The following SV2B variants were observed in gnomAD, a reference collection of about 807,000 sequenced individuals.
SV2B encodes the protein solute carrier family 22 member B2.
A neutral mutation model predicts 73.9 loss-of-function variants in SV2B; 41 were observed. The ratio of observed to expected loss-of-function variants is 0.56; its 90% confidence interval spans 0.43 to 0.72. SV2B has a LOEUF of 0.72. SV2B is among the 30% of genes least tolerant of loss of function. SV2B has a pLI of 0.00. For missense variants in SV2B, 764 were observed against 857.8 expected, an observed-to-expected ratio of 0.89 and a Z score of 1.37; for synonymous variants, 314 against 314.2, an observed-to-expected ratio of 1.00 and a Z score of 0.01.
rs191404392 is a variant in SV2B, at chr15:91,132,279, C to T, written c.-392+31916C>T. Reference sequence around the variant, plus strand: ...TCACCTCATGTAAATGAAGTAGTAGCCCACAATCAGTCTGATTGGTTGCAG... The same window carrying T: ...TCACCTCATGTAAATGAAGTAGTAGTCCACAATCAGTCTGATTGGTTGCAG... On this transcript the variant is annotated intron_variant, in intron 1 of 12. Transcript: ENST00000394232. This position sits in a 1 kb window ranked among gnomAD's most constrained non-coding sequence, Gnocchi z 4.6. Among the ~76,000 whole-genome samples the T allele has an allele frequency of 6.2e-4, 95 of 152,288 alleles. No individual in the cohort carries two copies. The highest frequency in any genetic ancestry group is 6.8e-3 in the Middle Eastern group (2 of 294).
intron 1 of SV2B, among the ~76,000 whole-genome samples, chr15:91,163,591 G>A (rs1454558965): frequency 2.6e-5 from 4 of 152,208 alleles, no homozygotes; most frequent in Admixed American, 1.3e-4. Context: ...CATATCCTTC[G>A]CCCACTTTTT....
rs1567312268 is a variant in SV2B, at chr15:91,172,062, C to T, written c.-391-53811C>T. On this transcript the variant is annotated intron_variant, in intron 1 of 12. Coordinates refer to ENST00000394232, the MANE Select transcript of SV2B (RefSeq NM_001323032.3). Reference sequence around the variant, plus strand: ...AGTGTATGTGTACATTTTGTCAAAACACATCAACTCTACACTAAAAATTGG... The same window carrying T: ...AGTGTATGTGTACATTTTGTCAAAATACATCAACTCTACACTAAAAATTGG... 2.0e-5 allele frequency among the ~76,000 whole-genome samples: 3 copies of T among 152,272 alleles called. No homozygotes were observed. In the East Asian group the frequency reaches 5.8e-4, roughly 29 times the overall value.
chr15:91,207,616 A>C (rs1018433507), intron 1 of SV2B, among the ~76,000 whole-genome samples: 8 of 152,218 alleles, frequency 5.3e-5, no homozygotes, highest in African/African-American at 1.9e-4. Flanking sequence ...CACAAGGTTC[A>C]TGGCTGACAC....
intron 1 of SV2B, among the ~76,000 whole-genome samples, chr15:91,191,539 C>A (rs966484976): frequency 1.3e-5 from 2 of 152,320 alleles, no homozygotes; most frequent in East Asian, 3.9e-4. Context: ...TTTCTACCCA[C>A]TGACCCCCTT....
rs1266524838 is a variant in SV2B, at chr15:91,128,428, T to G, written c.-392+28065T>G. Among the ~76,000 whole-genome samples the G allele has an allele frequency of 1.3e-5, 2 of 152,220 alleles. No individual in the cohort carries two copies. Among genetic ancestry groups the G allele is most frequent in the Non-Finnish European group, 2.9e-5 (2 of 68,034 alleles). On this transcript the variant is annotated intron_variant, in intron 1 of 12. Transcript: ENST00000394232. This position sits in a 1 kb window ranked among gnomAD's most constrained non-coding sequence, Gnocchi z 4.2. ...TGATTCCACCCCGCAAACCCTCACC[T>G]GGCTGAATATGAGATCCCTACATTG...
chr15:91,262,980 C>T (rs958384839), intron 6 of SV2B, among the ~76,000 whole-genome samples: 6 of 152,216 alleles, frequency 3.9e-5, no homozygotes, highest in Non-Finnish European at 5.9e-5. Context: ...AAGATGTTTC[C>T]ATGGTCTTCT....
chr15:91,197,330 G>T lies in SV2B; in HGVS notation c.-391-28543G>T, dbSNP rs2045285327. Among the ~76,000 whole-genome samples, 1 of 152,066 alleles carries T rather than the reference G, an allele frequency of 6.6e-6. No homozygotes were observed. The highest frequency in any genetic ancestry group is 2.4e-5 in the African/African-American group (1 of 41,420). The stretch of plus-strand genomic sequence containing the variant: ...CGCAACCTCTGCTTCCTGGGTTCAA[G>T]CAATCCTCCTGCCTCAGCCTCCCGA... On this transcript the variant is annotated intron_variant, in intron 1 of 12. Transcript: ENST00000394232. The surrounding 1 kb of genome is among the most constrained non-coding windows in gnomAD (Gnocchi z 4.9).
intron 2 of SV2B, among the ~76,000 whole-genome samples, chr15:91,233,674 T>G (rs908825945): frequency 5.8e-5 from 8 of 138,940 alleles, no homozygotes; most frequent in African/African-American, 2.3e-4. Context: ...TTCTTTGCCA[T>G]TATAAGCATC....
Position 91,105,941 on chromosome 15 carries a change from C to T in SV2B, c.-392+5578C>T, listed in dbSNP as rs926526751. On this transcript the variant is annotated intron_variant, in intron 1 of 12. Coordinates refer to ENST00000394232, the MANE Select transcript of SV2B (RefSeq NM_001323032.3). This position sits in a 1 kb window ranked among gnomAD's most constrained non-coding sequence, Gnocchi z 5.5. Reference sequence around the variant, plus strand: ...GCACATGCCTGTAGCCCTAGCTACTCGGGAGTCTGAGGTGGGAGGATCACC... The same window carrying T: ...GCACATGCCTGTAGCCCTAGCTACTTGGGAGTCTGAGGTGGGAGGATCACC... 2.0e-5 allele frequency among the ~76,000 whole-genome samples: 3 copies of T among 151,796 alleles called. No individual in the cohort carries two copies. The highest frequency in any genetic ancestry group is 2.4e-5 in the African/African-American group (1 of 41,288).
Position 91,239,904 on chromosome 15 carries a change from C to T in SV2B, c.452-11915C>T, listed in dbSNP as rs908604748. On this transcript the variant is annotated intron_variant, in intron 2 of 12. Transcript: ENST00000394232. The surrounding 1 kb of genome is among the most constrained non-coding windows in gnomAD (Gnocchi z 5.1). ...CACCATAGCTCTAATCTAAGTCCCCCGATAATGGCTTTCCAATCACCTGGC... is the reference window on the plus strand; with the variant it reads ...CACCATAGCTCTAATCTAAGTCCCCTGATAATGGCTTTCCAATCACCTGGC... Among the ~76,000 whole-genome samples the T allele has an allele frequency of 1.8e-4, 28 of 152,178 alleles. No homozygotes were observed. Among genetic ancestry groups the T allele is most frequent in the African/African-American group, 6.0e-4 (25 of 41,440 alleles).
At chr15:91,247,643 A>G (rs2047291045) in intron 2 of SV2B, among the ~76,000 whole-genome samples, 9 of 152,166 alleles carry the variant, frequency 5.9e-5, no homozygotes, top group Admixed American at 5.2e-4. Flanking sequence ...ATGAAGTGCA[A>G]TGTGGCCTCT....
intron 1 of SV2B, among the ~76,000 whole-genome samples, chr15:91,165,154 T>G (rs1188519328): frequency 6.6e-6 from 1 of 152,014 alleles, no homozygotes; most frequent in Non-Finnish European, 1.5e-5. Context: ...CTGGCCAATA[T>G]GTTGAAACCC....
rs1291747962 is a variant in SV2B at position 91,242,859 on chromosome 15, GT to G, written c.452-8956del. ...GTGAAACTACTGTTTGGCTAGTAGT[GT>G]TTTAAAACTCAGAGATTTTATTTAG... is the stretch of plus-strand genomic sequence containing the variant. On this transcript the variant is annotated intron_variant, in intron 2 of 12. Transcript: ENST00000394232. The surrounding 1 kb of genome is among the most constrained non-coding windows in gnomAD (Gnocchi z 4.9). Among the ~76,000 whole-genome samples the G allele has an allele frequency of 2.5e-4, 38 of 152,312 alleles. No individual in the cohort carries two copies. The highest frequency in any genetic ancestry group is 9.1e-4 in the African/African-American group (38 of 41,566).
rs147008366 is a variant in SV2B, at chr15:91,129,688, G to A, written c.-392+29325G>A. On this transcript the variant is annotated intron_variant, in intron 1 of 12. Coordinates refer to ENST00000394232, the MANE Select transcript of SV2B (RefSeq NM_001323032.3). This position sits in a 1 kb window ranked among gnomAD's most constrained non-coding sequence, Gnocchi z 5.1. ...AGCCAGCGGAGGCTTCTTTGGAGGCGATCTGTTTGATGTGATACGGTCTGT... is the reference window on the plus strand; with the variant it reads ...AGCCAGCGGAGGCTTCTTTGGAGGCAATCTGTTTGATGTGATACGGTCTGT... 4.4e-3 allele frequency among the ~76,000 whole-genome samples: 665 copies of A among 152,296 alleles called. 4 individuals carry two copies. The highest frequency in any genetic ancestry group is 0.015 in the African/African-American group (630 of 41,554).
rs115179669 is a variant in SV2B at position 91,294,999 on chromosome 15, C to G, written c.*2447C>G. The G allele has an allele frequency of 6.6e-6, 1 of 152,628 alleles. No homozygotes were observed. Among genetic ancestry groups the G allele is most frequent in the Non-Finnish European group, 1.5e-5 (1 of 68,060 alleles). The allele number at this position is 152,628 out of a possible 1,614,324, so 9.5% of individuals were successfully genotyped here. A position where few individuals can be genotyped will look rare whatever the true frequency, so the allele number is the denominator to read the frequency against. ...GTCACTCCTGCTGAGATAAATGCGT[C>G]TTTAAAAATAGTCTCTGTGGCAGGT... On this transcript the variant is annotated 3_prime_UTR_variant, in exon 13 of 13. Coordinates refer to ENST00000394232, the MANE Select transcript of SV2B (RefSeq NM_001323032.3). The surrounding 1 kb of genome is among the most constrained non-coding windows in gnomAD (Gnocchi z 4.1).
intron 4 of SV2B, among the ~76,000 whole-genome samples, chr15:91,254,252 T>TC (rs1204593501): frequency 5.5e-5 from 8 of 144,346 alleles, no homozygotes; most frequent in African/African-American, 2.2e-4. Context: ...TTTTTTTTTT[T>TC]CTGAGACAGA....
chr15:91,205,523 G>T (rs1160904301), intron 1 of SV2B, among the ~76,000 whole-genome samples: 2 of 152,002 alleles, frequency 1.3e-5, no homozygotes, highest in Non-Finnish European at 2.9e-5. Flanking sequence ...GCACCACCAT[G>T]CCCGGCTAAT....
chr15:91,230,128 C>G lies in SV2B; in HGVS notation c.451+3414C>G, dbSNP rs188174751. 2.6e-5 allele frequency among the ~76,000 whole-genome samples: 4 copies of G among 151,898 alleles called. No individual in the cohort carries two copies. The East Asian group carries it at 5.8e-4, about 22-fold the overall frequency. ...TGGTGGTGCATGCCTGTAGTTCCAG[C>G]TACTTGAGCGGCTGAGGTGGGAGGA... is the stretch of plus-strand genomic sequence containing the variant. On this transcript the variant is annotated intron_variant, in intron 2 of 12. Coordinates refer to ENST00000394232, the MANE Select transcript of SV2B (RefSeq NM_001323032.3).
intron 2 of SV2B, among the ~76,000 whole-genome samples, chr15:91,244,569 G>C (rs891608158): frequency 6.6e-6 from 1 of 152,190 alleles, no homozygotes; most frequent in African/African-American, 2.4e-5. Flanking sequence ...AAAGCACCTG[G>C]CTGACTTACC....
Sources: allele counts gnomAD v4.1 joint callset (sites outside exome capture counted in the v4.1 genomes callset), GRCh38; gene constraint gnomAD v4.1.1; non-coding constraint Gnocchi (gnomAD v3.1); transcripts MANE v1.5; gene names NCBI Gene and HGNC (gene_info 2026-07-23, HGNC 2026-07-21).